The following IMMP2L variants were observed in gnomAD, a reference collection of about 807,000 sequenced individuals.
IMMP2L encodes the protein mitochondrial inner membrane protease subunit 2.
In IMMP2L, 18 loss-of-function variants were observed where a neutral mutation model predicts 19.3. That is an observed-to-expected ratio of 0.93 (90% CI 0.64 to 1.38). The LOEUF is 1.38. Ranked by LOEUF, IMMP2L falls within the 40% of genes most tolerant of loss-of-function variation. The pLI is 0.00. For missense variants in IMMP2L, 233 were observed against 218.2 expected, an observed-to-expected ratio of 1.07 and a Z score of -0.43; for synonymous variants, 76 against 73.0, an observed-to-expected ratio of 1.04 and a Z score of -0.21.
rs1473654167 is a variant in IMMP2L, at chr7:111,504,390, T to C, written c.135+16923A>G. On this transcript the variant is annotated intron_variant, in intron 2 of 5. Coordinates refer to ENST00000405709, the MANE Select transcript of IMMP2L (RefSeq NM_032549.4). ...AGAATCAATATCGTGAAAATGGCCA[T>C]ACTGCCCAAGGTAATTTATAGATTC... Among the ~76,000 whole-genome samples, 5 of 152,098 alleles carry C rather than the reference T, an allele frequency of 3.3e-5. 1 individual carries two copies. The South Asian group carries it at 6.2e-4, about 19-fold the overall frequency.
intron 3 of IMMP2L, among the ~76,000 whole-genome samples, chr7:111,184,136 A>T (rs201827161): frequency 1.3e-5 from 2 of 152,150 alleles, no homozygotes; most frequent in East Asian, 3.9e-4. Context: ...TTACTACTTT[A>T]TTAGAGATAT....
intron 4 of IMMP2L, among the ~76,000 whole-genome samples, chr7:110,891,352 C>T (rs1361784625): frequency 6.6e-6 from 1 of 152,186 alleles, no homozygotes; most frequent in Non-Finnish European, 1.5e-5. Context: ...ACCTTCCGCT[C>T]TCAAGTGAAA....
chr7:111,275,752 G>C (rs1818961049), intron 3 of IMMP2L, among the ~76,000 whole-genome samples: 1 of 152,080 alleles, frequency 6.6e-6, no homozygotes, highest in Non-Finnish European at 1.5e-5. Flanking sequence ...TACATATAGA[G>C]ATCTTTCACT....
chr7:111,114,294 A>C (rs1799585421), intron 3 of IMMP2L, among the ~76,000 whole-genome samples: 1 of 152,170 alleles, frequency 6.6e-6, no homozygotes, highest in African/African-American at 2.4e-5. Context: ...ACTACTTCTG[A>C]TGTAAATGAA....
At chr7:111,504,003 T>G (rs1389091591) in intron 2 of IMMP2L, among the ~76,000 whole-genome samples, 2 of 152,104 alleles carry the variant, frequency 1.3e-5, no homozygotes, top group Admixed American at 6.6e-5. Flanking sequence ...ATAAAGGGTA[T>G]TCAATTAGGA....
intron 5 of IMMP2L, among the ~76,000 whole-genome samples, chr7:110,876,197 T>C (rs763166708): frequency 3.9e-5 from 6 of 152,154 alleles, no homozygotes; most frequent in Non-Finnish European, 8.8e-5. Flanking sequence ...TTCTATCAGA[T>C]GGTTTACCAA....
intron 5 of IMMP2L, among the ~76,000 whole-genome samples, chr7:110,754,658 A>G (rs999845445): frequency 5.9e-5 from 9 of 152,102 alleles, no homozygotes; most frequent in Admixed American, 1.3e-4. Flanking sequence ...CGCTTAGTAT[A>G]AATCTAATTA....
At chr7:110,848,180 C>T (rs1051933776) in intron 5 of IMMP2L, among the ~76,000 whole-genome samples, 61 of 151,726 alleles carry the variant, frequency 4.0e-4, no homozygotes, top group African/African-American at 1.3e-3. Flanking sequence ...GAACTATTAT[C>T]TAGAATATAC....
At chr7:111,294,683 T>C (rs1821444315) in intron 3 of IMMP2L, among the ~76,000 whole-genome samples, 1 of 151,826 alleles carries the variant, frequency 6.6e-6, no homozygotes, top group Non-Finnish European at 1.5e-5. Context: ...AAGGACAGAT[T>C]CAAACTAAAT....
intron 5 of IMMP2L, among the ~76,000 whole-genome samples, chr7:110,792,699 C>T (rs1276949310): frequency 6.6e-6 from 1 of 151,966 alleles, no homozygotes; most frequent in Non-Finnish European, 1.5e-5. Flanking sequence ...CCAAAGTCCA[C>T]AGTTTACAAA....
chr7:110,957,909 A>G (rs1818529010), intron 4 of IMMP2L, among the ~76,000 whole-genome samples: 1 of 151,820 alleles, frequency 6.6e-6, no homozygotes, highest in Admixed American at 6.6e-5. Flanking sequence ...TACCCATGAC[A>G]TTGCATTATG....
intron 3 of IMMP2L, among the ~76,000 whole-genome samples, chr7:111,451,003 C>T (rs1267412891): frequency 6.6e-6 from 1 of 151,158 alleles, no homozygotes; most frequent in Non-Finnish European, 1.5e-5. Context: ...ATCAAAACCA[C>T]CATGAGATAT....
chr7:110,765,477 AATC>A (rs759117682), intron 5 of IMMP2L, among the ~76,000 whole-genome samples: 5 of 152,204 alleles, frequency 3.3e-5, no homozygotes, highest in Non-Finnish European at 5.9e-5. Context: ...GACTGAAGAG[AATC>A]ATCAATGTTT....
chr7:111,009,795 G>C (rs1048478756), intron 3 of IMMP2L, among the ~76,000 whole-genome samples: 1 of 152,096 alleles, frequency 6.6e-6, no homozygotes, highest in Non-Finnish European at 1.5e-5. Context: ...TGGATTTTGG[G>C]TTCTCTGAGT....
intron 3 of IMMP2L, among the ~76,000 whole-genome samples, chr7:111,160,449 A>G (rs1194959868): frequency 2.0e-5 from 3 of 151,996 alleles, no homozygotes; most frequent in African/African-American, 7.2e-5. Flanking sequence ...AATTTAAATC[A>G]TACATGTTTT....
intron 5 of IMMP2L, among the ~76,000 whole-genome samples, chr7:110,671,725 T>G (rs900644473): frequency 4.0e-5 from 6 of 150,192 alleles, no homozygotes; most frequent in Non-Finnish European, 8.9e-5. Context: ...ACTCTTTCAT[T>G]TCTTGGCTTC....
At chr7:111,501,447 C>A (rs1306497480) in intron 2 of IMMP2L, among the ~76,000 whole-genome samples, 1 of 152,104 alleles carries the variant, frequency 6.6e-6, no homozygotes, top group Non-Finnish European at 1.5e-5. Context: ...GGCAGGCCAA[C>A]ATTCAAATTC....
intron 3 of IMMP2L, among the ~76,000 whole-genome samples, chr7:111,001,302 C>A (rs982886159): frequency 4.7e-4 from 71 of 152,286 alleles, no homozygotes; most frequent in Non-Finnish European, 4.4e-4. Flanking sequence ...AGACAATCTT[C>A]TATGAGGGTC....
intron 5 of IMMP2L, among the ~76,000 whole-genome samples, chr7:110,779,018 C>T (rs549661536): frequency 1.3e-5 from 2 of 151,944 alleles, no homozygotes; most frequent in South Asian, 2.1e-4. Flanking sequence ...GAATAGAAAG[C>T]GAAGTCTTGA....
Sources: gnomAD v4.1 joint callset for allele counts (sites outside exome capture counted in the v4.1 genomes callset) on GRCh38, gnomAD v4.1.1 for gene constraint, MANE v1.5 for transcripts, NCBI Gene and HGNC (gene_info 2026-07-23, HGNC 2026-07-21) for gene names.